Variants in SAMMSON observed in about 807,000 individuals in gnomAD.
The protein encoded by SAMMSON is survival associated mitochondrial melanoma specific oncogenic non-coding RNA.
At chr3:70,047,666 T>C (rs557801747) in intron 3 of SAMMSON, among the ~76,000 whole-genome samples, 17 of 152,264 alleles carry the variant, frequency 1.1e-4, no homozygotes, top group Admixed American at 6.5e-4. Context: ...TGTGTGTGTC[T>C]TTTTCCATTT....
intron 6 of SAMMSON, among the ~76,000 whole-genome samples, chr3:70,285,588 G>A (rs1225497945): frequency 6.6e-6 from 1 of 151,760 alleles, no homozygotes; most frequent in Non-Finnish European, 1.5e-5. Context: ...TGGGATGGCT[G>A]TGTCAAATGG....
intron 4 of SAMMSON, among the ~76,000 whole-genome samples, chr3:70,237,110 T>G (rs1047527767): frequency 6.6e-6 from 1 of 152,238 alleles, no homozygotes. Context: ...TTTCCAGATC[T>G]TTTGCATTCA....
In SAMMSON at chr3:70,395,327, CTCTCT is replaced by C. The variant is rs1453118187; in HGVS notation, n.233+37005_233+37009del. Among the ~76,000 whole-genome samples the C allele has an allele frequency of 1.5e-4, 19 of 126,538 alleles. No homozygotes were observed. The South Asian group carries it at 1.8e-3, about 12-fold the overall frequency. 83.0% of individuals were successfully genotyped at this position (126,538 alleles called of 152,430 possible). On this transcript the variant is annotated intron_variant and non_coding_transcript_variant, in intron 2 of 3. Coordinates refer to the SAMMSON transcript ENST00000641053. ...TCTCCTCTCCTCTCCTTCTCTCTCT[CTCTCT>C]TTTTTTTTTTTTTTTTTGTGTTGTT... is the stretch of plus-strand genomic sequence containing the variant.
intron 9 of SAMMSON, among the ~76,000 whole-genome samples, chr3:70,385,493 T>A (rs1226417544): frequency 6.6e-6 from 1 of 152,030 alleles, no homozygotes; most frequent in African/African-American, 2.4e-5. Flanking sequence ...TCAATATAAA[T>A]TGAAATGTCG....
At chr3:70,267,904 G>T (rs552883362) in intron 6 of SAMMSON, among the ~76,000 whole-genome samples, 1 of 151,846 alleles carries the variant, frequency 6.6e-6, no homozygotes, top group African/African-American at 2.4e-5. Flanking sequence ...TTTGAGCCAA[G>T]GTCCCAGTTT....
chr3:70,357,243 A>G (rs993601870), intron 8 of SAMMSON, among the ~76,000 whole-genome samples: 9 of 152,144 alleles, frequency 5.9e-5, no homozygotes, highest in Non-Finnish European at 1.3e-4. Flanking sequence ...TTTCCTGATT[A>G]TGTAAAGGAA....
chr3:70,034,726 C>A (rs1384266140), intron 3 of SAMMSON, among the ~76,000 whole-genome samples: 1 of 152,088 alleles, frequency 6.6e-6, no homozygotes, highest in Non-Finnish European at 1.5e-5. Flanking sequence ...CACCTGTAAT[C>A]CCAGCTACTC....
intron 4 of SAMMSON, among the ~76,000 whole-genome samples, chr3:70,213,564 A>G (rs888241815): frequency 6.6e-6 from 1 of 152,152 alleles, no homozygotes; most frequent in African/African-American, 2.4e-5. Context: ...GTGACATTTC[A>G]AGGTATAAGC....
intron 9 of SAMMSON, among the ~76,000 whole-genome samples, chr3:70,365,429 T>C (rs1702913062): frequency 6.6e-6 from 1 of 151,784 alleles, no homozygotes; most frequent in Non-Finnish European, 1.5e-5. Context: ...TGTCACAATC[T>C]GTACCTATAT....
intron 4 of SAMMSON, among the ~76,000 whole-genome samples, chr3:70,102,717 G>A (rs2106655310): frequency 6.6e-6 from 1 of 152,314 alleles, no homozygotes; most frequent in Admixed American, 6.5e-5. Flanking sequence ...CTGGTTCAAA[G>A]GATTGCATCT....
At chr3:70,216,033 A>G (rs891421626) in intron 4 of SAMMSON, among the ~76,000 whole-genome samples, 1 of 152,126 alleles carries the variant, frequency 6.6e-6, no homozygotes, top group Non-Finnish European at 1.5e-5. Flanking sequence ...ATACAAAAAG[A>G]TACAAATAAA....
chr3:70,280,073 C>T (rs548543146), intron 6 of SAMMSON, among the ~76,000 whole-genome samples: 1 of 152,268 alleles, frequency 6.6e-6, no homozygotes, highest in East Asian at 1.9e-4. Context: ...AGCAAGGCTG[C>T]ACTCCCTCTG....
chr3:70,388,203 G>A (rs1243655090), intron 9 of SAMMSON, among the ~76,000 whole-genome samples: 1 of 152,122 alleles, frequency 6.6e-6, no homozygotes, highest in Non-Finnish European at 1.5e-5. Context: ...ACTGTAACCT[G>A]TAGGCCAAAT....
chr3:70,045,937 G>C (rs1022901848), intron 3 of SAMMSON, among the ~76,000 whole-genome samples: 10 of 152,020 alleles, frequency 6.6e-5, no homozygotes, highest in Admixed American at 5.9e-4. Context: ...CAGCTAACGA[G>C]AAACGCAAGG....
intron 6 of SAMMSON, among the ~76,000 whole-genome samples, chr3:70,277,280 T>C (rs765320014): frequency 1.7e-4 from 26 of 152,342 alleles, no homozygotes; most frequent in Non-Finnish European, 2.9e-4. Flanking sequence ...ATTTTACATA[T>C]GAAATTCATT....
At chr3:70,311,809 T>G in intron 7 of SAMMSON, 1 of 394,596 alleles carries the variant, frequency 2.5e-6, no homozygotes, top group Non-Finnish European at 4.5e-6. Flanking sequence ...ATTTCCTCCT[T>G]CTCCCACACT....
At chr3:70,267,595 T>TTTTTG (rs1305858317) in intron 6 of SAMMSON, among the ~76,000 whole-genome samples, 1 of 148,814 alleles carries the variant, frequency 6.7e-6, no homozygotes, top group Admixed American at 6.7e-5. Context: ...TTTTTTTTTT[T>TTTTTG]TTAGTAAAGA....
intron 6 of SAMMSON, among the ~76,000 whole-genome samples, chr3:70,267,595 T>TC (rs1701931034): frequency 6.7e-6 from 1 of 148,814 alleles, no homozygotes; most frequent in Non-Finnish European, 1.5e-5. Context: ...TTTTTTTTTT[T>TC]TTAGTAAAGA....
intron 4 of SAMMSON, among the ~76,000 whole-genome samples, chr3:70,163,494 TCC>T (rs1465826541): frequency 6.6e-6 from 1 of 151,802 alleles, no homozygotes; most frequent in Non-Finnish European, 1.5e-5. Flanking sequence ...ATAGTTCCCT[TCC>T]CCCTCTCCTC....
Sources: gnomAD v4.1 joint callset for allele counts (sites outside exome capture counted in the v4.1 genomes callset) on GRCh38, gnomAD v4.1.1 for gene constraint, MANE v1.5 for transcripts, NCBI Gene and HGNC (gene_info 2026-07-23, HGNC 2026-07-21) for gene names.